The following MTM1 variants were observed in gnomAD, a reference collection of about 807,000 sequenced individuals.
The protein encoded by MTM1 is myotubularin 1.
Under a neutral mutation model 52.1 loss-of-function variants are expected in MTM1, and 9 were observed. The ratio of observed to expected loss-of-function variants is 0.17; its 90% CI spans 0.10 to 0.30. The LOEUF (loss-of-function observed/expected upper bound fraction) is 0.30, where lower values mean the gene tolerates loss of function less well. Ranked by LOEUF, MTM1 falls within the 10% of genes least tolerant of loss-of-function variation. The pLI is 1.00. For missense variants in MTM1, 277 were observed against 470.7 expected (o/e 0.59, Z 3.81); for synonymous variants, 136 against 163.8 (o/e 0.83, Z 1.29).
intron 8 of MTM1, 59 bp downstream of exon 8, chrX:150,641,477 G>C (rs1352947992): frequency 8.7e-7 from 1 of 1,155,018 alleles, no homozygotes; most frequent in Non-Finnish European, 1.2e-6. Flanking sequence ...AAGAATGGTA[G>C]TCATATAACT....
At chrX:150,601,819 A>G (rs969727308) in intron 4 of MTM1, among the ~76,000 whole-genome samples, 23 of 112,208 alleles carry the variant, frequency 2.0e-4, no homozygotes, top group Admixed American at 1.3e-3. Flanking sequence ...AGTGAAATCC[A>G]TTCTCTTGGT....
chrX:150,629,070 G>A (rs1479134788), intron 6 of MTM1, among the ~76,000 whole-genome samples: 1 of 110,799 alleles, frequency 9.0e-6, no homozygotes, highest in Non-Finnish European at 1.9e-5. Context: ...CTAAACTGTT[G>A]GAACATTGTT....
chrX:150,646,624 A>G (rs1370503275), intron 9 of MTM1, among the ~76,000 whole-genome samples: 2 of 112,219 alleles, frequency 1.8e-5, no homozygotes, highest in Non-Finnish European at 3.8e-5. Context: ...CATTGCTGTC[A>G]CTTTCAAATG....
chrX:150,598,101 A>G lies in MTM1; in HGVS notation c.137-491A>G, dbSNP rs782710170. On this transcript the variant is annotated intron_variant, in intron 3 of 14. Coordinates refer to ENST00000370396, the MANE Select transcript of MTM1 (RefSeq NM_000252.3). Reference sequence around the variant, plus strand: ...GACCCTATCTCAAAAACAAAAAAAGACAGAATAAACTGGAAAGATTTCTAC... The same window carrying G: ...GACCCTATCTCAAAAACAAAAAAAGGCAGAATAAACTGGAAAGATTTCTAC... Among the ~76,000 whole-genome samples the G allele has an allele frequency of 1.8e-3, 199 of 111,672 alleles. 1 individual carries two copies. Among genetic ancestry groups the G allele is most frequent in the African/African-American group, 6.1e-3 (187 of 30,747 alleles).
intron 9 of MTM1, 37 bp downstream of exon 9, chrX:150,645,908 A>ATATGTAAGCTC: frequency 1.8e-6 from 2 of 1,137,244 alleles, no homozygotes; most frequent in Non-Finnish European, 2.4e-6. Context: ...CACTTAGCTT[A>ATATGTAAGCTC]CATATGGAGT....
chrX:150,620,769 C>T (rs932435248), intron 6 of MTM1, among the ~76,000 whole-genome samples: 38 of 111,424 alleles, frequency 3.4e-4, no homozygotes, highest in African/African-American at 1.2e-3. Context: ...CTGATATTGT[C>T]CTTGAGTGAG....
intron 6 of MTM1, among the ~76,000 whole-genome samples, chrX:150,628,065 C>G (rs1292201047): frequency 9.0e-6 from 1 of 111,152 alleles, no homozygotes; most frequent in African/African-American, 3.3e-5. Context: ...TGCATCCTTC[C>G]CCTGAGTGTA....
At chrX:150,638,795 TTG>T in intron 6 of MTM1, 146 bp from the exon 7 acceptor site, 1 of 450,876 alleles carries the variant, frequency 2.2e-6, no homozygotes, top group Non-Finnish European at 3.9e-6. Flanking sequence ...CTGTTTTTTT[TTG>T]TTGTTGTTGT....
At chrX:150,609,072 C>A (rs1391198761) in intron 4 of MTM1, among the ~76,000 whole-genome samples, 3 of 110,692 alleles carry the variant, frequency 2.7e-5, no homozygotes, top group Non-Finnish European at 5.7e-5. Context: ...GGTGATCCAC[C>A]AACCTCGGCC....
At position 150,612,190 on chromosome X, in the gene MTM1, C is replaced by CAA. The variant is rs377418608; in HGVS notation, c.232-2385_232-2384dup. Among the ~76,000 whole-genome samples, 314 of 83,693 alleles carry CAA rather than the reference C, an allele frequency of 3.8e-3. 2 individuals carry two copies. The highest frequency in any genetic ancestry group is 0.013 in the African/African-American group (295 of 23,327). 72.7% of individuals were successfully genotyped at this position (83,693 alleles called of 115,157 possible). The stretch of plus-strand genomic sequence containing the variant: ...TGGGTGATGGAGTGAGGTCCTGTCT[C>CAA]AAAAAAAAAAAAAAAGATTGGCGAT... On this transcript the variant is annotated intron_variant, in intron 4 of 14. Transcript: ENST00000370396.
intron 1 of MTM1, among the ~76,000 whole-genome samples, chrX:150,589,098 C>T (rs2038840619): frequency 8.9e-6 from 1 of 111,856 alleles, no homozygotes; most frequent in Non-Finnish European, 1.9e-5. Flanking sequence ...GTTGAGTTCT[C>T]TTAACTATGT....
In MTM1 at chrX:150,672,506, A is replaced by G. The variant is rs1408925392; in HGVS notation, c.*911A>G. ...CTATTGCTAGAGCATCATCCTTAGA[A>G]ATCAGTGCCCCAGATGTACATGTGT... On this transcript the variant is annotated 3_prime_UTR_variant, in exon 15 of 15. Coordinates refer to ENST00000370396, the MANE Select transcript of MTM1 (RefSeq NM_000252.3). The G allele has an allele frequency of 5.4e-5, 6 of 111,939 alleles. No homozygotes were observed. Among genetic ancestry groups the G allele is most frequent in the Non-Finnish European group, 3.8e-5 (2 of 53,235 alleles). 9.2% of individuals were successfully genotyped at this position (111,939 alleles called of 1,213,427 possible).
intron 4 of MTM1, among the ~76,000 whole-genome samples, chrX:150,606,832 TTCTTCCCTTCCTTCCCTCCCTTCCCTC>T (rs1758765974): frequency 1.1e-5 from 1 of 93,115 alleles, no homozygotes; most frequent in Non-Finnish European, 2.2e-5. Context: ...TCTCTTCCCT[TTCTTCCCTTCCTTCCCTCCCTTCCCTC>T]TCTTCCCTTC....
At chrX:150,647,748 A>G (rs1376384969) in intron 9 of MTM1, among the ~76,000 whole-genome samples, 2 of 111,747 alleles carry the variant, frequency 1.8e-5, no homozygotes, top group Admixed American at 9.5e-5. Context: ...CCTTACGGAT[A>G]TTTAGAAATT....
At chrX:150,651,125 A>T (rs1489433415) in intron 10 of MTM1, among the ~76,000 whole-genome samples, 2 of 112,260 alleles carry the variant, frequency 1.8e-5, no homozygotes, top group Non-Finnish European at 3.8e-5. Context: ...TCATATGTGA[A>T]CCTCCTTAAA....
chrX:150,671,460 G>A lies in MTM1; in HGVS notation c.1677G>A (p.Glu559=). 8.3e-7 allele frequency: 1 copy of A among 1,211,239 alleles called. No homozygotes were observed. The highest frequency in any genetic ancestry group is 1.7e-5 in the African/African-American group (1 of 57,576). The part of the protein sequence containing the change: ...QPNPVEQRYM[E]LLALRDEYIK... ...ATCCAGTGGAGCAGCGTTACATGGAGCTCTTAGCCTTACGCGACGAATACA... is the reference window on the plus strand; with the variant it reads ...ATCCAGTGGAGCAGCGTTACATGGAACTCTTAGCCTTACGCGACGAATACA... The change falls in exon 15 of 15, where the codon GAG becomes GAA. Residue 559 remains glutamate (E), a synonymous_variant. Coordinates refer to ENST00000370396, the MANE Select transcript of MTM1 (RefSeq NM_000252.3).
chrX:150,562,947 C>T, the MTM1 span, among the ~76,000 whole-genome samples: 1 of 111,391 alleles, frequency 9.0e-6, no homozygotes, highest in Non-Finnish European at 1.9e-5. Flanking sequence ...CTGGGGGAAG[C>T]TTCTGATCCC....
upstream of MTM1, among the ~76,000 whole-genome samples, chrX:150,565,601 C>T (rs1557411200): frequency 9.0e-6 from 1 of 110,748 alleles, no homozygotes; most frequent in African/African-American, 3.3e-5. Context: ...TTTCCTCGCT[C>T]GGGCCTGCTT....
At chrX:150,583,037 T>A (rs2148407906) in intron 1 of MTM1, among the ~76,000 whole-genome samples, 1 of 91,634 alleles carries the variant, frequency 1.1e-5, no homozygotes, top group African/African-American at 4.0e-5. Flanking sequence ...TTTATATATT[T>A]AAATATAATT....
Sources: gnomAD v4.1 joint callset for allele counts (sites outside exome capture counted in the v4.1 genomes callset) on GRCh38, gnomAD v4.1.1 for gene constraint, MANE v1.5 for transcripts, NCBI Gene and HGNC (gene_info 2026-07-23, HGNC 2026-07-21) for gene names.